Variants in DISC1 observed in about 807,000 individuals in gnomAD.
DISC1 encodes disrupted in schizophrenia 1 protein.
A neutral mutation model predicts 84.5 loss-of-function variants in DISC1; 57 were observed. The observed-to-expected ratio is 0.67, with a 90% CI of 0.55 to 0.84. DISC1 has a LOEUF of 0.84. Among genes scored for constraint, DISC1 ranks in the 40% least tolerant of loss-of-function variants. The probability of loss-of-function intolerance (pLI) is 0.00; values close to 1 mark genes in which losing one functional copy is unlikely to be tolerated. For synonymous variants in DISC1, 411 were observed against 415.2 expected, an observed-to-expected ratio of 0.99 and a Z score of 0.12; for missense variants, 1,000 against 1,057.8, an observed-to-expected ratio of 0.95 and a Z score of 0.76.
chr1:231,806,482 C>T (rs1187818774), intron 8 of DISC1, among the ~76,000 whole-genome samples: 1 of 152,220 alleles, frequency 6.6e-6, no homozygotes, highest in Non-Finnish European at 1.5e-5. Flanking sequence ...CAGAGCTGGG[C>T]CACATATTGT....
At chr1:231,804,460 C>CTTT (rs559499171) in intron 8 of DISC1, among the ~76,000 whole-genome samples, 2 of 140,106 alleles carry the variant, frequency 1.4e-5, no homozygotes, top group African/African-American at 5.2e-5. Context: ...ATCCCCCTTC[C>CTTT]TTTTTTTTTT....
chr1:231,752,900 T>G (rs1249299966), intron 4 of DISC1, among the ~76,000 whole-genome samples: 1 of 152,258 alleles, frequency 6.6e-6, no homozygotes, highest in African/African-American at 2.4e-5. Context: ...TCATTAAATC[T>G]TAAAGCTCCA....
In DISC1 at chr1:232,036,734, A is replaced by C. The variant is rs771586997; in HGVS notation, c.2468A>C (p.Gln823Pro). 3 of 1,607,470 alleles carry C rather than the reference A, an allele frequency of 1.9e-6. No individual in the cohort carries two copies. The highest frequency in any genetic ancestry group is 2.7e-5 in the African/African-American group (2 of 74,974). ...CTCCAGATGGTGAAGGAAACTCTGC[A>C]GGCCATGATCCTGCAGCTCCAGCCA... ...RELQMVKETL[Q>P]AMILQLQPAK... Residue 823 changes from glutamine to proline, a missense_variant, in exon 13 of 13, where the codon CAG becomes CCG. Physicochemically the swap from Gln to Pro is moderately conservative, Grantham distance 76. This residue lies in a region of DISC1 where 397 missense variants were observed against 377.5 expected (regional missense o/e 1.05). Transcript: ENST00000439617.
At chr1:231,743,860 T>G (rs558792918) in intron 3 of DISC1, among the ~76,000 whole-genome samples, 1 of 152,328 alleles carries the variant, frequency 6.6e-6, no homozygotes, top group East Asian at 1.9e-4. Flanking sequence ...TTTATGTGAA[T>G]GTCTTTCACT....
rs531008848 is a variant in DISC1, at chr1:231,839,079, C to T, written c.1981+20562C>T. ...AGATAAGGACAACCAAGGATGCCTTCGAGGAGCCAGGGAGAGCCTCACAGA... is the reference window on the plus strand; with the variant it reads ...AGATAAGGACAACCAAGGATGCCTTTGAGGAGCCAGGGAGAGCCTCACAGA... On this transcript the variant is annotated intron_variant, in intron 9 of 12. Coordinates refer to ENST00000439617, the MANE Select transcript of DISC1 (RefSeq NM_018662.3). Among the ~76,000 whole-genome samples the T allele has an allele frequency of 7.9e-5, 12 of 152,242 alleles. No homozygotes were observed. The South Asian group carries it at 1.9e-3, about 24-fold the overall frequency.
chr1:232,023,216 A>G (rs200872661), intron 11 of DISC1, among the ~76,000 whole-genome samples: 4 of 152,184 alleles, frequency 2.6e-5, no homozygotes, highest in Non-Finnish European at 5.9e-5. Context: ...TGCTTTGCCT[A>G]TTTGAGTTAT....
At chr1:231,903,677 T>G (rs1473103161) in intron 9 of DISC1, among the ~76,000 whole-genome samples, 3 of 152,148 alleles carry the variant, frequency 2.0e-5, no homozygotes, top group Non-Finnish European at 4.4e-5. Flanking sequence ...AGAGGGAGCC[T>G]CAAGGCCTTT....
chr1:231,911,211 T>C (rs749838240), intron 9 of DISC1, among the ~76,000 whole-genome samples: 3 of 152,234 alleles, frequency 2.0e-5, no homozygotes, highest in Non-Finnish European at 4.4e-5. Flanking sequence ...AATTTGATCC[T>C]GTCATTACGA....
In DISC1 at chr1:231,698,292, A is replaced by G. The variant is rs1296921434; in HGVS notation, c.1047+3487A>G. 6.6e-6 allele frequency among the ~76,000 whole-genome samples: 1 copy of G among 152,222 alleles called. No individual in the cohort carries two copies. The highest frequency in any genetic ancestry group is 6.5e-5 in the Admixed American group (1 of 15,282). On this transcript the variant is annotated intron_variant, in intron 2 of 12. Transcript: ENST00000439617. This position sits in a 1 kb window ranked among gnomAD's most constrained non-coding sequence, Gnocchi z 4.9. The stretch of plus-strand genomic sequence containing the variant: ...AGAACATAACTACAGTACTGTGAAT[A>G]AGGAGAATCGACTGTGAATATTTTA...
chr1:231,904,821 A>C (rs111368876), intron 9 of DISC1, among the ~76,000 whole-genome samples: 5 of 152,322 alleles, frequency 3.3e-5, no homozygotes, highest in African/African-American at 1.2e-4. Flanking sequence ...AAAAGATCAA[A>C]AAATGGGGGA....
intron 9 of DISC1, among the ~76,000 whole-genome samples, chr1:231,833,667 T>C (rs771866245): frequency 6.6e-6 from 1 of 152,176 alleles, no homozygotes; most frequent in African/African-American, 2.4e-5. Flanking sequence ...TTTCTGGCAC[T>C]TGTAGCAAGC....
chr1:231,925,185 C>T (rs540374866), intron 9 of DISC1, among the ~76,000 whole-genome samples: 20 of 152,224 alleles, frequency 1.3e-4, no homozygotes, highest in African/African-American at 3.9e-4. Flanking sequence ...GTTAAAAATA[C>T]GGGCCCCAAC....
intron 9 of DISC1, among the ~76,000 whole-genome samples, chr1:231,936,702 C>G (rs1223422630): frequency 5.3e-5 from 8 of 152,174 alleles, no homozygotes; most frequent in Non-Finnish European, 1.2e-4. Flanking sequence ...GGACACTGCT[C>G]TTTACCTTTG....
At chr1:231,964,865 C>T (rs1414094641) in intron 10 of DISC1, among the ~76,000 whole-genome samples, 1 of 152,230 alleles carries the variant, frequency 6.6e-6, no homozygotes, top group African/African-American at 2.4e-5. Flanking sequence ...TTCAGCGTTT[C>T]TTGGTCTTAC....
intron 9 of DISC1, among the ~76,000 whole-genome samples, chr1:231,880,007 G>A (rs1324098435): frequency 6.6e-6 from 1 of 152,204 alleles, no homozygotes; most frequent in African/African-American, 2.4e-5. Context: ...CAAAACTCAT[G>A]TTGAAATTTA....
chr1:231,771,090 T>A lies in DISC1; in HGVS notation c.1634+20T>A, dbSNP rs376612836. ...AAGGAGGTACTGCTGATTTCCTAACTGATTTTGGGTCGCTCGCCTCTTTGA... is the reference window on the plus strand; with the variant it reads ...AAGGAGGTACTGCTGATTTCCTAACAGATTTTGGGTCGCTCGCCTCTTTGA... On this transcript the variant is annotated intron_variant, in intron 6 of 12. Coordinates refer to ENST00000439617, the MANE Select transcript of DISC1 (RefSeq NM_018662.3). 3 of 1,558,304 alleles carry A rather than the reference T, an allele frequency of 1.9e-6. No individual in the cohort carries two copies. In the African/African-American group the frequency reaches 4.1e-5, roughly 21 times the overall value.
At chr1:231,657,460 T>C (rs952544733) in intron 1 of DISC1, among the ~76,000 whole-genome samples, 1 of 152,194 alleles carries the variant, frequency 6.6e-6, no homozygotes, top group Admixed American at 6.5e-5. Flanking sequence ...TAGTTTCTTT[T>C]GCTGTGCAGA....
chr1:231,679,199 C>T (rs958743069), intron 1 of DISC1, among the ~76,000 whole-genome samples: 4 of 152,246 alleles, frequency 2.6e-5, no homozygotes, highest in African/African-American at 9.6e-5. Context: ...CCCTGGCAAG[C>T]ACTGTCTTGG....
intron 6 of DISC1, among the ~76,000 whole-genome samples, chr1:231,791,017 C>G (rs12033319): frequency 6.6e-6 from 1 of 152,166 alleles, no homozygotes; most frequent in Non-Finnish European, 1.5e-5. Context: ...ATTTAATTTT[C>G]TTTTGCCACA....
Sources: gnomAD v4.1 joint callset for allele counts (sites outside exome capture counted in the v4.1 genomes callset) on GRCh38, gnomAD v4.1.1 for gene constraint, gnomAD v4.1.1 regional missense constraint, Gnocchi (gnomAD v3.1) non-coding constraint, MANE v1.5 for transcripts, NCBI Gene and HGNC (gene_info 2026-07-23, HGNC 2026-07-21) for gene names.